Variants in PCDHA7 observed in about 807,000 individuals in gnomAD.
PCDHA7 encodes protocadherin alpha 7.
A neutral mutation model predicts 57.2 loss-of-function variants in PCDHA7; 37 were observed. The observed-to-expected ratio is 0.65, with a 90% CI of 0.50 to 0.85. The LOEUF is 0.85. Among genes scored for constraint, PCDHA7 ranks in the 40% least tolerant of loss-of-function variants. PCDHA7 has a pLI of 0.00. For synonymous variants in PCDHA7, 553 were observed against 558.8 expected (o/e 0.99, Z 0.15); for missense variants, 1,188 against 1,241.8 (o/e 0.96, Z 0.65).
At chr5:140,959,331 T>C (rs1170663171) in intron 1 of PCDHA7, among the ~76,000 whole-genome samples, 1 of 152,072 alleles carries the variant, frequency 6.6e-6, no homozygotes. Flanking sequence ...GTTTTGATTA[T>C]GCTACTGCAC....
intron 1 of PCDHA7, chr5:140,863,175 C>T (rs1562576204): frequency 1.4e-6 from 1 of 718,568 alleles, no homozygotes; most frequent in South Asian, 1.3e-5. Context: ...CGCTGACTGC[C>T]ACCGTCACCG....
At chr5:140,840,905 T>C (rs1776936709) in intron 1 of PCDHA7, among the ~76,000 whole-genome samples, 1 of 151,998 alleles carries the variant, frequency 6.6e-6, no homozygotes, top group Non-Finnish European at 1.5e-5. Flanking sequence ...ATACAGGTCA[T>C]ACTTAAATTT....
chr5:140,987,034 C>T (rs782321957), intron 3 of PCDHA7, among the ~76,000 whole-genome samples: 12 of 151,770 alleles, frequency 7.9e-5, no homozygotes, highest in Non-Finnish European at 1.6e-4. Context: ...GTCAACATGG[C>T]GAAACCCCAT....
intron 1 of PCDHA7, among the ~76,000 whole-genome samples, chr5:140,890,993 AT>A (rs2062889744): frequency 6.6e-6 from 1 of 152,134 alleles, no homozygotes; most frequent in Non-Finnish European, 1.5e-5. Flanking sequence ...TTATTTCATC[AT>A]AATTATTGAA....
rs2150256519 is a variant in PCDHA7 at position 140,836,253 on chromosome 5, G to T, written c.1870G>T (p.Val624Leu). 1.2e-6 allele frequency: 2 copies of T among 1,613,806 alleles called. No homozygotes were observed. The highest frequency in any genetic ancestry group is 1.7e-5 in the Admixed American group (1 of 60,024). ...VAAGASIPFR[V>L]GLYTGEISTT... ...GGCCGGTGCGAGCATCCCGTTCCGC[G>T]TGGGGCTGTACACTGGTGAGATCAG... Residue 624 changes from valine to leucine, a missense_variant, in exon 1 of 4, where the codon GTG becomes TTG. Val to Leu is a conservative substitution (Grantham distance 32, BLOSUM62 1). Coordinates refer to ENST00000525929, the MANE Select transcript of PCDHA7 (RefSeq NM_018910.3).
At chr5:140,973,342 A>ATAGTAATT (rs1437052159) in intron 1 of PCDHA7, among the ~76,000 whole-genome samples, 4 of 152,344 alleles carry the variant, frequency 2.6e-5, no homozygotes, top group Admixed American at 2.6e-4. Context: ...GTAAAGTGAC[A>ATAGTAATT]TAGTAGTGAA....
chr5:140,902,734 C>T (rs1345954248), intron 1 of PCDHA7, among the ~76,000 whole-genome samples: 1 of 151,052 alleles, frequency 6.6e-6, no homozygotes, highest in Non-Finnish European at 1.5e-5. Flanking sequence ...CCCTCCAAGT[C>T]CCCCAAATCC....
chr5:140,856,683 C>T, intron 1 of PCDHA7: 1 of 1,597,480 alleles, frequency 6.3e-7, no homozygotes, highest in Non-Finnish European at 8.6e-7. Context: ...TTGTTGTTGA[C>T]AGCAACTGAT....
At chr5:140,904,443 A>G (rs1345999576) in intron 1 of PCDHA7, among the ~76,000 whole-genome samples, 8 of 151,082 alleles carry the variant, frequency 5.3e-5, no homozygotes, top group African/African-American at 1.5e-4. Flanking sequence ...GTATATTACA[A>G]TTTCTTTATA....
At chr5:140,945,190 G>A (rs1372387920) in intron 1 of PCDHA7, among the ~76,000 whole-genome samples, 1 of 152,000 alleles carries the variant, frequency 6.6e-6, no homozygotes, top group Non-Finnish European at 1.5e-5. Flanking sequence ...AGAAAACCAT[G>A]CTATTTACAA....
intron 1 of PCDHA7, among the ~76,000 whole-genome samples, chr5:140,880,631 A>T (rs1048791670): frequency 6.6e-6 from 1 of 152,206 alleles, no homozygotes; most frequent in Non-Finnish European, 1.5e-5. Context: ...GTTAATTATC[A>T]ATTCACTTGA....
At chr5:140,986,859 C>T (rs1554248338) in intron 3 of PCDHA7, among the ~76,000 whole-genome samples, 1 of 152,152 alleles carries the variant, frequency 6.6e-6, no homozygotes, top group East Asian at 1.9e-4. Context: ...ACCAACAATA[C>T]CCGGAAACTT....
chr5:140,907,582 G>A (rs978225789), intron 1 of PCDHA7, among the ~76,000 whole-genome samples: 1 of 152,190 alleles, frequency 6.6e-6, no homozygotes, highest in Admixed American at 6.5e-5. Flanking sequence ...CAGGTAGCTG[G>A]CTGATCACCC....
At chr5:140,992,023 G>C (rs1415968916) in intron 3 of PCDHA7, among the ~76,000 whole-genome samples, 2 of 148,226 alleles carry the variant, frequency 1.3e-5, no homozygotes, top group African/African-American at 4.9e-5. Flanking sequence ...GGCTCTGTGT[G>C]TGTGTGTGTG....
At chr5:140,858,250 G>C in intron 1 of PCDHA7, 1 of 1,596,872 alleles carries the variant, frequency 6.3e-7, no homozygotes, top group Non-Finnish European at 8.6e-7. Flanking sequence ...GGCCGGTGAA[G>C]CCCACGCTGG....
chr5:140,890,760 A>C (rs939413448), intron 1 of PCDHA7, among the ~76,000 whole-genome samples: 2 of 152,188 alleles, frequency 1.3e-5, no homozygotes, highest in Non-Finnish European at 2.9e-5. Flanking sequence ...ATGCTTTAAA[A>C]ATATTTTAAA....
chr5:140,929,046 C>T, intron 1 of PCDHA7: 3 of 1,614,206 alleles, frequency 1.9e-6, no homozygotes, highest in Non-Finnish European at 2.5e-6. Context: ...CTCAGAGCTG[C>T]TGTCGCTCTA....
chr5:140,856,505 C>T (rs2150359235), intron 1 of PCDHA7: 1 of 1,598,456 alleles, frequency 6.3e-7, no homozygotes, highest in East Asian at 2.2e-5. Context: ...TCGATTTCCA[C>T]TAGAAGGCGC....
intron 2 of PCDHA7, among the ~76,000 whole-genome samples, chr5:140,979,906 C>T (rs190577549): frequency 1.8e-4 from 27 of 152,204 alleles, no homozygotes; most frequent in African/African-American, 5.5e-4. Context: ...TAGATCAGTT[C>T]GTAAAGAGAA....
Sources: allele counts gnomAD v4.1 joint callset (sites outside exome capture counted in the v4.1 genomes callset), GRCh38; gene constraint gnomAD v4.1.1; transcripts MANE v1.5; gene names NCBI Gene and HGNC (gene_info 2026-07-23, HGNC 2026-07-21).